Variants in NTM observed in about 807,000 individuals in gnomAD.
The protein encoded by NTM is neurotrimin, also known as IgLON family member 2.
A neutral mutation model predicts 42.1 loss-of-function variants in NTM; 13 were observed. That is an observed-to-expected ratio of 0.31 (90% confidence interval 0.20 to 0.49). The LOEUF (loss-of-function observed/expected upper bound fraction) is 0.49, where lower values mean the gene tolerates loss of function less well. Ranked by LOEUF, NTM falls within the 20% of genes least tolerant of loss-of-function variation. The pLI is 0.99. For missense variants in NTM, 373 were observed against 452.8 expected, an observed-to-expected ratio of 0.82 and a Z score of 1.60; for synonymous variants, 187 against 179.2, an observed-to-expected ratio of 1.04 and a Z score of -0.35.
In NTM at chr11:132,133,168, C is replaced by T. The variant is rs570816080; in HGVS notation, c.168-13114C>T. Among the ~76,000 whole-genome samples the T allele has an allele frequency of 4.6e-5, 7 of 152,292 alleles. No individual in the cohort carries two copies. The South Asian group carries it at 1.2e-3, about 27-fold the overall frequency. ...TTATCTCCCATGTCTCTCCCAGCAC[C>T]ATATTTATACTCATTTGTAAAGTTC... On this transcript the variant is annotated intron_variant, in intron 2 of 8. Transcript: ENST00000683400.
chr11:132,243,698 T>A (rs1283779456), intron 4 of NTM, among the ~76,000 whole-genome samples: 2 of 152,172 alleles, frequency 1.3e-5, no homozygotes, highest in Non-Finnish European at 2.9e-5. Context: ...TGACAGTGTG[T>A]TTTTACCACT....
intron 2 of NTM, among the ~76,000 whole-genome samples, chr11:131,943,116 C>T (rs536068244): frequency 1.3e-5 from 2 of 152,270 alleles, no homozygotes; most frequent in Admixed American, 1.3e-4. Flanking sequence ...TCACTGTGGC[C>T]TTCTGGCCTC....
At chr11:131,930,607 A>G (rs2058487607) in intron 2 of NTM, among the ~76,000 whole-genome samples, 2 of 152,130 alleles carry the variant, frequency 1.3e-5, no homozygotes, top group South Asian at 4.1e-4. Context: ...AGAACCTTCT[A>G]TTACCTGTGA....
intron 1 of NTM, among the ~76,000 whole-genome samples, chr11:131,892,563 C>T (rs753643140): frequency 6.6e-6 from 1 of 152,322 alleles, no homozygotes; most frequent in Middle Eastern, 3.4e-3. Context: ...ATGTGGGGTG[C>T]CCCCAGTGCC....
chr11:131,376,421 C>T (rs2135491781), intron 1 of NTM, among the ~76,000 whole-genome samples: 1 of 152,252 alleles, frequency 6.6e-6, no homozygotes, highest in Non-Finnish European at 1.5e-5. Context: ...CAGGAGATCA[C>T]AGAATCTCCC....
At chr11:131,615,573 T>A (rs1420868547) in intron 1 of NTM, among the ~76,000 whole-genome samples, 1 of 152,168 alleles carries the variant, frequency 6.6e-6, no homozygotes, top group Non-Finnish European at 1.5e-5. Flanking sequence ...TTTGATCTTG[T>A]TGGCCAGGCT....
intron 2 of NTM, 48 bp downstream of exon 2, chr11:131,911,696 G>T (rs1273003639): frequency 6.2e-7 from 1 of 1,611,960 alleles, no homozygotes; most frequent in Non-Finnish European, 8.5e-7. Context: ...TATGGGGTCG[G>T]GGTAAGGGGC....
Position 132,335,038 on chromosome 11 carries a change from C to T in NTM, c.968-8C>T, listed in dbSNP as rs371824540. 1.2e-5 allele frequency: 19 copies of T among 1,611,402 alleles called. No individual in the cohort carries two copies. Among genetic ancestry groups the T allele is most frequent in the Non-Finnish European group, 1.5e-5 (18 of 1,179,780 alleles). ...AGACCACTCACGGCGAGTGTGTTCTCTCCACAGGTCCAGGCGCCGTCAGCG... is the reference window on the plus strand; with the variant it reads ...AGACCACTCACGGCGAGTGTGTTCTTTCCACAGGTCCAGGCGCCGTCAGCG... On this transcript the variant is annotated splice_polypyrimidine_tract_variant and splice_region_variant and intron_variant, in intron 8 of 8. Transcript: ENST00000683400.
At position 132,254,892 on chromosome 11, in the gene NTM, A is replaced by T. The variant is rs557160532; in HGVS notation, c.526+42745A>T. On this transcript the variant is annotated intron_variant, in intron 4 of 8. Transcript: ENST00000683400. ...TGGGGGCTGTTCTGTGTATGATGGG[A>T]TACCGGGCAACACCCCTTATCTCTA... Among the ~76,000 whole-genome samples the T allele has an allele frequency of 2.2e-4, 33 of 152,268 alleles. 1 individual carries two copies. The South Asian group carries it at 6.5e-3, about 30-fold the overall frequency.
chr11:132,247,321 C>T (rs944089417), intron 4 of NTM, among the ~76,000 whole-genome samples: 8 of 152,156 alleles, frequency 5.3e-5, no homozygotes, highest in African/African-American at 1.4e-4. Flanking sequence ...CCAATGTTGC[C>T]GCTTAGTTGC....
chr11:131,577,949 C>T (rs1305947116), intron 1 of NTM, among the ~76,000 whole-genome samples: 3 of 152,192 alleles, frequency 2.0e-5, no homozygotes, highest in Non-Finnish European at 1.5e-5. Flanking sequence ...GAAGTTTACA[C>T]TGAATACCAG....
intron 3 of NTM, among the ~76,000 whole-genome samples, chr11:132,211,023 G>A (rs574383428): frequency 5.9e-5 from 9 of 152,308 alleles, no homozygotes; most frequent in South Asian, 2.1e-4. Flanking sequence ...TGTGTAGAAT[G>A]TGCTCTGGGC....
intron 4 of NTM, among the ~76,000 whole-genome samples, chr11:132,305,207 A>C (rs1009015634): frequency 6.6e-6 from 1 of 152,216 alleles, no homozygotes; most frequent in African/African-American, 2.4e-5. Flanking sequence ...CGCTGTGGCC[A>C]CAAAAGAGCA....
intron 1 of NTM, among the ~76,000 whole-genome samples, chr11:131,817,074 G>T (rs964993951): frequency 5.3e-5 from 8 of 152,044 alleles, no homozygotes; most frequent in African/African-American, 1.5e-4. Context: ...AAACCCAGGG[G>T]GCACATGGGG....
chr11:131,862,891 C>T (rs1214214730), intron 1 of NTM, among the ~76,000 whole-genome samples: 1 of 152,294 alleles, frequency 6.6e-6, no homozygotes, highest in African/African-American at 2.4e-5. Context: ...TCCTCCATGC[C>T]TCACAGATGT....
At position 131,648,117 on chromosome 11, in the gene NTM, T is replaced by C. The variant is rs917716936; in HGVS notation, c.83-263447T>C. Reference sequence around the variant, plus strand: ...AGTGAGAGCATGTGGTATTTGGCTGTCTGTTCCTGCATTAGTTTGCTAAGG... The same window carrying C: ...AGTGAGAGCATGTGGTATTTGGCTGCCTGTTCCTGCATTAGTTTGCTAAGG... On this transcript the variant is annotated intron_variant, in intron 1 of 8. Coordinates refer to ENST00000683400, the MANE Select transcript of NTM (RefSeq NM_001352005.2). Among the ~76,000 whole-genome samples, 9 of 152,322 alleles carry C rather than the reference T, an allele frequency of 5.9e-5. No individual in the cohort carries two copies. In the East Asian group the frequency reaches 1.4e-3, roughly 23 times the overall value.
chr11:132,261,378 C>T (rs961067213), intron 4 of NTM, among the ~76,000 whole-genome samples: 3 of 152,128 alleles, frequency 2.0e-5, no homozygotes, highest in Non-Finnish European at 2.9e-5. Flanking sequence ...ATTGGAATGC[C>T]AGTTATGAGT....
chr11:131,893,266 A>G (rs1285041310), intron 1 of NTM, among the ~76,000 whole-genome samples: 1 of 152,214 alleles, frequency 6.6e-6, no homozygotes, highest in Non-Finnish European at 1.5e-5. Flanking sequence ...GTGAGAATGT[A>G]GGAGGAGCAG....
chr11:132,138,447 A>G (rs1044103160), intron 2 of NTM, among the ~76,000 whole-genome samples: 3 of 152,202 alleles, frequency 2.0e-5, no homozygotes, highest in African/African-American at 7.2e-5. Context: ...AGAATTCCCA[A>G]TGTGAACAGA....
Sources: gnomAD v4.1 joint callset for allele counts (sites outside exome capture counted in the v4.1 genomes callset) on GRCh38, gnomAD v4.1.1 for gene constraint, MANE v1.5 for transcripts, NCBI Gene and HGNC (gene_info 2026-07-23, HGNC 2026-07-21) for gene names.